The following EDARADD variants were observed in gnomAD, a reference collection of about 807,000 sequenced individuals.
EDARADD encodes the protein ectodysplasin-A receptor-associated adapter protein.
Under a neutral mutation model 25.6 loss-of-function variants are expected in EDARADD, and 20 were observed. The ratio of observed to expected loss-of-function variants is 0.78; its 90% CI spans 0.55 to 1.14. The LOEUF (loss-of-function observed/expected upper bound fraction) is 1.14. Ranked by LOEUF, EDARADD falls within the 50% of genes most tolerant of loss-of-function variation. The pLI is 0.00. For missense variants in EDARADD, 225 were observed against 270.1 expected, an observed-to-expected ratio of 0.83 and a Z score of 1.17; for synonymous variants, 86 against 94.4, an observed-to-expected ratio of 0.91 and a Z score of 0.52.
intron 4 of EDARADD, among the ~76,000 whole-genome samples, chr1:236,454,327 C>T (rs966008166): frequency 6.6e-5 from 10 of 152,202 alleles, no homozygotes; most frequent in African/African-American, 2.2e-4. Flanking sequence ...GGATTACAGG[C>T]GTGAGCCACC....
chr1:236,418,355 T>C (rs1294024162), intron 3 of EDARADD, among the ~76,000 whole-genome samples: 1 of 150,486 alleles, frequency 6.6e-6, no homozygotes, highest in Non-Finnish European at 1.5e-5. Context: ...AGCAATTCTC[T>C]CACTTCAGCC....
chr1:236,364,168 A>T (rs531457219), intron 3 of EDARADD, among the ~76,000 whole-genome samples: 1 of 152,320 alleles, frequency 6.6e-6, no homozygotes, highest in South Asian at 2.1e-4. Flanking sequence ...TCTTGATAGT[A>T]TTTATAATAT....
Position 236,484,273 on chromosome 1 carries a change from C to T in EDARADD, c.*1624C>T. ...GCCAATGGTTGGTGTGTCATGGTGC[C>T]TCATCATTCTGGGGAGACTGAAAAT... On this transcript the variant is annotated 3_prime_UTR_variant, in exon 6 of 6. Transcript: ENST00000334232. This position sits in a 1 kb window ranked among gnomAD's most constrained non-coding sequence, Gnocchi z 4.1. 2.0e-6 allele frequency: 2 copies of T among 981,754 alleles called. No homozygotes were observed. The highest frequency in any genetic ancestry group is 2.6e-5 in the South Asian group (2 of 78,400). The allele number at this position is 981,754 out of a possible 1,614,324, so 60.8% of individuals were successfully genotyped here.
chr1:236,454,774 C>T (rs1268646910), intron 4 of EDARADD, among the ~76,000 whole-genome samples: 1 of 152,238 alleles, frequency 6.6e-6, no homozygotes, highest in African/African-American at 2.4e-5. Flanking sequence ...GTTGTTACCA[C>T]CTGCTGCTGG....
At chr1:236,462,302 A>G (rs908720542) in intron 4 of EDARADD, among the ~76,000 whole-genome samples, 1 of 151,614 alleles carries the variant, frequency 6.6e-6, no homozygotes, top group South Asian at 2.1e-4. Context: ...TTCAGCTATT[A>G]TTTCTCTCTC....
chr1:236,453,309 C>T (rs912848604), intron 4 of EDARADD, among the ~76,000 whole-genome samples: 32 of 142,008 alleles, frequency 2.3e-4, no homozygotes, highest in African/African-American at 6.4e-4. Flanking sequence ...GATGGAGTCT[C>T]GCTGTCACCC....
intron 3 of EDARADD, among the ~76,000 whole-genome samples, chr1:236,382,371 C>G (rs1036372848): frequency 6.6e-6 from 1 of 152,112 alleles, no homozygotes; most frequent in African/African-American, 2.4e-5. Flanking sequence ...CTCTACTTAG[C>G]TTGTTGAACC....
At chr1:236,454,205 C>G (rs571542491) in intron 4 of EDARADD, among the ~76,000 whole-genome samples, 1 of 152,168 alleles carries the variant, frequency 6.6e-6, no homozygotes, top group Admixed American at 6.5e-5. Context: ...GCTACCACAC[C>G]TGGCTAACTT....
chr1:236,467,234 C>T (rs1011508820), intron 4 of EDARADD, among the ~76,000 whole-genome samples: 9 of 140,326 alleles, frequency 6.4e-5, no homozygotes, highest in South Asian at 2.6e-4. Context: ...GCATTGGCAC[C>T]GTGCCTGAGG....
At chr1:236,470,457 T>G (rs1199846484) in intron 5 of EDARADD, among the ~76,000 whole-genome samples, 1 of 152,250 alleles carries the variant, frequency 6.6e-6, no homozygotes, top group Non-Finnish European at 1.5e-5. Flanking sequence ...ATACAGAAAT[T>G]TGTTTAGAAA....
At chr1:236,464,742 A>G (rs1207939058) in intron 4 of EDARADD, among the ~76,000 whole-genome samples, 3 of 151,884 alleles carry the variant, frequency 2.0e-5, no homozygotes, top group Non-Finnish European at 4.4e-5. Flanking sequence ...CATTTGCTGC[A>G]ACTTTTGACA....
intron 4 of EDARADD, among the ~76,000 whole-genome samples, chr1:236,434,086 G>A (rs16833662): frequency 0.02 from 2,977 of 152,258 alleles, 102 homozygotes; most frequent in African/African-American, 0.068. Context: ...TCTAGGATGC[G>A]AGTCTGAGGG....
chr1:236,460,089 C>G (rs559650686), intron 4 of EDARADD, among the ~76,000 whole-genome samples: 2 of 152,180 alleles, frequency 1.3e-5, no homozygotes, highest in East Asian at 3.9e-4. Flanking sequence ...AGATTTTTGT[C>G]TCTATATCCC....
At position 236,394,391 on chromosome 1, in the gene EDARADD, T is replaced by C; in HGVS notation, c.-54T>C. The C allele has an allele frequency of 6.3e-7, 1 of 1,595,520 alleles. No homozygotes were observed. Among genetic ancestry groups the C allele is most frequent in the Non-Finnish European group, 8.6e-7 (1 of 1,163,150 alleles). On this transcript the variant is annotated 5_prime_UTR_variant, in exon 1 of 6. Transcript: ENST00000334232. ...CCAGCGAGCATCTTCTCGCAATCTGTTGCTTCTTCCATGGCAAACTCCAGA... is the reference window on the plus strand; with the variant it reads ...CCAGCGAGCATCTTCTCGCAATCTGCTGCTTCTTCCATGGCAAACTCCAGA...
intron 4 of EDARADD, among the ~76,000 whole-genome samples, chr1:236,429,030 G>T (rs1337158417): frequency 6.6e-6 from 1 of 152,098 alleles, no homozygotes; most frequent in Non-Finnish European, 1.5e-5. Context: ...CAGGCACTCG[G>T]CAGGCTGAGG....
intron 3 of EDARADD, among the ~76,000 whole-genome samples, chr1:236,420,197 A>G (rs950420868): frequency 6.6e-6 from 1 of 152,164 alleles, no homozygotes; most frequent in African/African-American, 2.4e-5. Flanking sequence ...AAATAAATAA[A>G]TACATAAAAT....
rs567945988 is a variant in EDARADD, at chr1:236,418,094, T to C, written c.160+3795T>C. Among the ~76,000 whole-genome samples the C allele has an allele frequency of 2.3e-3, 343 of 150,796 alleles. 2 individuals carry two copies. Among genetic ancestry groups the C allele is most frequent in the African/African-American group, 8.0e-3 (328 of 41,036 alleles). ...TCAGCCTCCCGAATAGCTGGGACTA[T>C]AGGCGCCCACCACCACGCCCAGCTA... On this transcript the variant is annotated intron_variant, in intron 3 of 5. Transcript: ENST00000334232.
Position 236,482,499 on chromosome 1 carries a change from G to A in EDARADD, c.498G>A (p.Glu166=). The A allele has an allele frequency of 5.6e-6, 9 of 1,613,560 alleles. No homozygotes were observed. The highest frequency in any genetic ancestry group is 7.6e-6 in the Non-Finnish European group (9 of 1,179,586). Residue 166 remains glutamate, a synonymous_variant, in exon 6 of 6, where the codon GAG becomes GAA. Coordinates refer to ENST00000334232, the MANE Select transcript of EDARADD (RefSeq NM_145861.4). ...AGAGGCCACAGAGCCCCACCTTGGAGTTCTTGCTCCGGAACAGTCAGAGGA... is the reference window on the plus strand; with the variant it reads ...AGAGGCCACAGAGCCCCACCTTGGAATTCTTGCTCCGGAACAGTCAGAGGA... ...LEQRPQSPTL[E]FLLRNSQRTV... is the part of the protein sequence containing the mutation.
intron 4 of EDARADD, among the ~76,000 whole-genome samples, chr1:236,441,738 C>T (rs1266469797): frequency 6.6e-6 from 1 of 151,888 alleles, no homozygotes; most frequent in African/African-American, 2.4e-5. Flanking sequence ...CCATATTGGC[C>T]AGGCTGGTCT....
Sources: allele counts gnomAD v4.1 joint callset (sites outside exome capture counted in the v4.1 genomes callset), GRCh38; gene constraint gnomAD v4.1.1; non-coding constraint Gnocchi (gnomAD v3.1); transcripts MANE v1.5; gene names NCBI Gene and HGNC (gene_info 2026-07-23, HGNC 2026-07-21).